Variants in JAML observed in about 807,000 individuals in gnomAD.
The protein encoded by JAML is junctional adhesion molecule-like.
A neutral mutation model predicts 39.3 loss-of-function variants in JAML; 25 were observed. The observed-to-expected ratio is 0.64, with a 90% CI of 0.46 to 0.89. The LOEUF is 0.89. JAML is among the 40% of genes least tolerant of loss of function. JAML has a pLI of 0.00. For synonymous variants in JAML, 162 were observed against 179.2 expected, an observed-to-expected ratio of 0.90 and a Z score of 0.77; for missense variants, 440 against 486.9, an observed-to-expected ratio of 0.90 and a Z score of 0.91.
chr11:118,199,065 T>C (rs775780329), intron 7 of JAML, among the ~76,000 whole-genome samples: 14 of 152,222 alleles, frequency 9.2e-5, no homozygotes, highest in Non-Finnish European at 1.6e-4. Flanking sequence ...TATCTTTCCA[T>C]GTCATTATGT....
intron 3 of JAML, 121 bp downstream of exon 3, chr11:118,212,286 T>C (rs970494451): frequency 3.2e-5 from 41 of 1,282,730 alleles, no homozygotes; most frequent in Non-Finnish European, 4.2e-5. Context: ...TCTGATAATC[T>C]CCAAAGCCCC....
At chr11:118,220,997 G>A (rs576815082) in intron 1 of JAML, among the ~76,000 whole-genome samples, 115 of 152,312 alleles carry the variant, frequency 7.6e-4, no homozygotes, top group Non-Finnish European at 8.8e-5. Context: ...GAGGTGGCAA[G>A]TAAAATTATC....
In JAML at chr11:118,222,223, C is replaced by T. The variant is rs1949216964; in HGVS notation, c.-21+2718G>A. 6.6e-6 allele frequency among the ~76,000 whole-genome samples: 1 copy of T among 151,894 alleles called. No individual in the cohort carries two copies. Among genetic ancestry groups the T allele is most frequent in the African/African-American group, 2.4e-5 (1 of 41,316 alleles). On this transcript the variant is annotated intron_variant, in intron 1 of 9. Transcript: ENST00000356289. This position sits in a 1 kb window ranked among gnomAD's most constrained non-coding sequence, Gnocchi z 4.2. The stretch of plus-strand genomic sequence containing the variant: ...TTGAGCCCAGGAGTTTGAGACCAGC[C>T]TGAGCAACTTGGTGAAACACCATCT...
chr11:118,203,640 T>A lies in JAML; in HGVS notation c.560A>T (p.His187Leu). 1 of 1,613,670 alleles carries A rather than the reference T, an allele frequency of 6.2e-7. No homozygotes were observed. The highest frequency in any genetic ancestry group is 1.1e-5 in the South Asian group (1 of 91,058). ...AKEEIVFRYYHKLRMSVEYSQ... is the reference protein window; with the variant it reads ...AKEEIVFRYYLKLRMSVEYSQ... ...GTACTCCACAGACATCCTGAGTTTG[T>A]GGTAGTAACGAAATACAATCTCCTC... Residue 187 changes from histidine (H) to leucine (L), a missense_variant, in exon 6 of 10, where the codon CAC becomes CTC. His to Leu is a moderately conservative substitution (Grantham distance 99). Coordinates refer to ENST00000356289, the MANE Select transcript of JAML (RefSeq NM_001098526.2).
chr11:118,200,635 G>T, intron 6 of JAML, 23 bp from the exon 7 acceptor site: 1 of 1,613,904 alleles, frequency 6.2e-7, no homozygotes, highest in Non-Finnish European at 8.5e-7. Context: ...GAAAAGCAAG[G>T]AGAGGGTCTC....
chr11:118,212,909 A>G, intron 2 of JAML: 1 of 1,614,192 alleles, frequency 6.2e-7, no homozygotes, highest in East Asian at 2.2e-5. Context: ...ACTCACCTCC[A>G]CTTACCATAA....
intron 2 of JAML, 29 bp from the exon 3 acceptor site, chr11:118,212,590 T>C (rs908446620): frequency 1.1e-5 from 17 of 1,610,516 alleles, no homozygotes; most frequent in East Asian, 2.2e-5. Flanking sequence ...AGAGGACACA[T>C]CATTTAGACA....
intron 1 of JAML, among the ~76,000 whole-genome samples, chr11:118,216,355 C>A (rs569020303): frequency 1.4e-5 from 2 of 143,728 alleles, no homozygotes; most frequent in East Asian, 2.0e-4. Flanking sequence ...GGCGACAGAG[C>A]GAGACTCTGT....
At chr11:118,215,055 G>A (rs1239635606) in intron 1 of JAML, among the ~76,000 whole-genome samples, 169 bp from the exon 2 acceptor site, 6 of 152,116 alleles carry the variant, frequency 3.9e-5, no homozygotes, top group East Asian at 1.9e-4. Flanking sequence ...TGTATGCAGC[G>A]GGAGGTGGAG....
chr11:118,214,856 G>A lies in JAML; in HGVS notation c.11C>T (p.Pro4Leu), dbSNP rs770662969. 1.2e-6 allele frequency: 2 copies of A among 1,614,004 alleles called. No homozygotes were observed. Among genetic ancestry groups the A allele is most frequent in the South Asian group, 2.2e-5 (2 of 91,074 alleles). The change falls in exon 2 of 10, where the codon CCA (proline) becomes CTA (leucine). Residue 4 changes from proline (P) to leucine (L), a missense_variant. By Grantham distance (98) the Pro-to-Leu change is moderately conservative. Transcript: ENST00000356289. ...CACTGGCAGCAGGATGAGTTTCAGT[G>A]GGCAAAACATGCTGCTCTCAACTTT... is the stretch of plus-strand genomic sequence containing the variant. MFC[P>L]LKLILLPVLL...
intron 1 of JAML, among the ~76,000 whole-genome samples, chr11:118,215,930 G>C (rs1949134585): frequency 6.6e-6 from 1 of 152,088 alleles, no homozygotes; most frequent in Admixed American, 6.6e-5. Flanking sequence ...CTCAGCCGTG[G>C]TCTTTACCCC....
At chr11:118,203,897 G>T (rs377613296) in intron 5 of JAML, 2 of 485,400 alleles carry the variant, frequency 4.1e-6, no homozygotes, top group Non-Finnish European at 7.5e-6. Flanking sequence ...TGAATGGAGG[G>T]ATAAGAAAAG....
intron 6 of JAML, 136 bp from the exon 7 acceptor site, chr11:118,200,748 A>G (rs1291399297): frequency 1.9e-5 from 17 of 897,338 alleles, no homozygotes; most frequent in Non-Finnish European, 2.7e-5. Context: ...ATATCTGGAC[A>G]CTAGGGACAC....
At chr11:118,197,636 A>G (rs1040003494) in intron 8 of JAML, 2 of 189,472 alleles carry the variant, frequency 1.1e-5, no homozygotes, top group African/African-American at 4.7e-5. Flanking sequence ...TTTGCATATC[A>G]TCATCTTATG....
At chr11:118,207,528 C>T (rs1035053933) in intron 4 of JAML, among the ~76,000 whole-genome samples, 5 of 152,096 alleles carry the variant, frequency 3.3e-5, no homozygotes, top group Non-Finnish European at 7.4e-5. Flanking sequence ...TTATTATTTT[C>T]ATCTATAGTA....
Position 118,203,578 on chromosome 11 carries a change from G to C in JAML, c.622C>G (p.Leu208Val). The change falls in exon 6 of 10, where the codon CTG (leucine) becomes GTG (valine). Residue 208 changes from leucine to valine, a missense_variant. Leu to Val is a conservative substitution (Grantham distance 32, BLOSUM62 1). Coordinates refer to ENST00000356289, the MANE Select transcript of JAML (RefSeq NM_001098526.2). ...SWGHFQNRVNLVGDIFRNDGS... is the reference protein window; with the variant it reads ...SWGHFQNRVNVVGDIFRNDGS... ...TCATTGCGGAAAATGTCCCCCACCA[G>C]GTTCACACGATTCTGGAAGTGGCCC... is the stretch of plus-strand genomic sequence containing the variant. 6.2e-7 allele frequency: 1 copy of C among 1,614,172 alleles called. No homozygotes were observed. The highest frequency in any genetic ancestry group is 8.5e-7 in the Non-Finnish European group (1 of 1,180,028).
At chr11:118,203,103 G>T in intron 6 of JAML, 1 of 508,528 alleles carries the variant, frequency 2.0e-6, no homozygotes, top group Non-Finnish European at 3.8e-6. Flanking sequence ...CATCAACTCC[G>T]ATCCTTCCCT....
Position 118,222,763 on chromosome 11 carries a change from C to G in JAML, c.-21+2178G>C, listed in dbSNP as rs1002261090. Among the ~76,000 whole-genome samples, 1 of 152,012 alleles carries G rather than the reference C, an allele frequency of 6.6e-6. No individual in the cohort carries two copies. Among genetic ancestry groups the G allele is most frequent in the Non-Finnish European group, 1.5e-5 (1 of 67,986 alleles). On this transcript the variant is annotated intron_variant, in intron 1 of 9. Transcript: ENST00000356289. This position sits in a 1 kb window ranked among gnomAD's most constrained non-coding sequence, Gnocchi z 4.2. ...TCTGTTAAAGAGAACGTAATTTTGT[C>G]TAGCTCAGAGGGTTTTAACTATTGG...
chr11:118,202,171 G>T (rs922741392), intron 6 of JAML: 6 of 152,256 alleles, frequency 3.9e-5, no homozygotes, highest in Non-Finnish European at 8.8e-5. Context: ...CCTTTAGCAA[G>T]CTATTTGGCT....
Sources: gnomAD v4.1 joint callset for allele counts (sites outside exome capture counted in the v4.1 genomes callset) on GRCh38, gnomAD v4.1.1 for gene constraint, Gnocchi (gnomAD v3.1) non-coding constraint, MANE v1.5 for transcripts, NCBI Gene and HGNC (gene_info 2026-07-23, HGNC 2026-07-21) for gene names.